Variants in DENND5B observed in about 807,000 individuals in gnomAD.
DENND5B encodes the protein DENN domain containing 5B, also known as DENN domain-containing protein 5B.
DENND5B carries 34 observed loss-of-function variants against 140.6 expected under a neutral mutation model. The ratio of observed to expected loss-of-function variants is 0.24; its 90% CI spans 0.18 to 0.32. DENND5B has a LOEUF of 0.32. DENND5B is among the 10% of genes least tolerant of loss of function. The pLI, the probability that DENND5B is intolerant of heterozygous loss-of-function variation, is 1.00. For missense variants in DENND5B, 1,142 were observed against 1,560.2 expected, an observed-to-expected ratio of 0.73 and a Z score of 4.52; for synonymous variants, 551 against 562.1, an observed-to-expected ratio of 0.98 and a Z score of 0.28.
Position 31,485,046 on chromosome 12 carries a change from T to A in DENND5B, c.238-4791A>T, listed in dbSNP as rs1371133155. Among the ~76,000 whole-genome samples the A allele has an allele frequency of 3.9e-5, 6 of 152,324 alleles. No homozygotes were observed. The East Asian group carries it at 1.2e-3, about 29-fold the overall frequency. On this transcript the variant is annotated intron_variant, in intron 2 of 20. Coordinates refer to ENST00000389082, the MANE Select transcript of DENND5B (RefSeq NM_144973.4). Reference sequence around the variant, plus strand: ...TCACGGTCACTGTTTGGTGGCCTGCTGCTGGTTTGATCCACTACAGCTTCC... The same window carrying A: ...TCACGGTCACTGTTTGGTGGCCTGCAGCTGGTTTGATCCACTACAGCTTCC...
At chr12:31,456,419 C>T (rs1944783684) in intron 4 of DENND5B, among the ~76,000 whole-genome samples, 1 of 152,028 alleles carries the variant, frequency 6.6e-6, no homozygotes, top group Admixed American at 6.6e-5. Flanking sequence ...CTTCCTATAC[C>T]CTTACCCTAA....
chr12:31,500,351 A>C (rs895733841), intron 1 of DENND5B: 12 of 453,474 alleles, frequency 2.6e-5, no homozygotes, highest in Non-Finnish European at 5.3e-5. Context: ...TCAACCTAAA[A>C]AGTATGACAG....
intron 1 of DENND5B, among the ~76,000 whole-genome samples, chr12:31,521,286 T>C (rs761585271): frequency 1.3e-5 from 2 of 150,664 alleles, no homozygotes; most frequent in Non-Finnish European, 2.9e-5. Flanking sequence ...TGTGCAGATA[T>C]CAGACATTCA....
chr12:31,416,262 G>T (rs1049047945), intron 11 of DENND5B, among the ~76,000 whole-genome samples: 5 of 151,370 alleles, frequency 3.3e-5, no homozygotes, highest in Non-Finnish European at 5.9e-5. Context: ...ACTTTTTTTT[G>T]TATTTTTTTT....
At chr12:31,575,950 A>T (rs1485437781) in intron 1 of DENND5B, among the ~76,000 whole-genome samples, 4 of 152,042 alleles carry the variant, frequency 2.6e-5, no homozygotes, top group Non-Finnish European at 5.9e-5. Context: ...TGGGAGACAG[A>T]GCAAGACTGT....
At chr12:31,432,857 A>G (rs1943571032) in intron 8 of DENND5B, 3 of 267,842 alleles carry the variant, frequency 1.1e-5, no homozygotes, top group Admixed American at 1.0e-4. Flanking sequence ...CATGCAGACA[A>G]TTTTTCTCCT....
At position 31,392,094 on chromosome 12, in the gene DENND5B, G is replaced by A. The variant is rs185282995; in HGVS notation, c.3466+173C>T. Among the ~76,000 whole-genome samples, 12 of 149,386 alleles carry A rather than the reference G, an allele frequency of 8.0e-5. No individual in the cohort carries two copies. In the East Asian group the frequency reaches 9.8e-4, roughly 12 times the overall value. On this transcript the variant is annotated intron_variant, in intron 19 of 20. Transcript: ENST00000389082. ...GCGGAGGTTACAGTGAGCCAAGACC[G>A]CACCACTGCACTCCAGCTTGGGCAA...
chr12:31,564,212 TA>T (rs1949559161), intron 1 of DENND5B, among the ~76,000 whole-genome samples: 3 of 152,156 alleles, frequency 2.0e-5, no homozygotes, highest in Admixed American at 2.0e-4. Flanking sequence ...TAAAGCATAA[TA>T]AAATGTAGTG....
chr12:31,551,476 T>C lies in DENND5B; in HGVS notation c.127+39230A>G, dbSNP rs1201707398. On this transcript the variant is annotated intron_variant, in intron 1 of 20. Coordinates refer to ENST00000389082, the MANE Select transcript of DENND5B (RefSeq NM_144973.4). ...CTTTGGTTACTGTAGCCTTGTAGTA[T>C]AGTTTGAAGTCAGGTAGCGTGATGC... Among the ~76,000 whole-genome samples, 5 of 152,210 alleles carry C rather than the reference T, an allele frequency of 3.3e-5. No individual in the cohort carries two copies. In the East Asian group the frequency reaches 7.7e-4, roughly 23 times the overall value.
intron 15 of DENND5B, among the ~76,000 whole-genome samples, chr12:31,402,050 G>C (rs1290522686): frequency 8.0e-6 from 1 of 125,470 alleles, no homozygotes. Context: ...CAGCCTGGGC[G>C]AAAGAGCAAG....
chr12:31,420,051 T>C, intron 11 of DENND5B: 6 of 983,054 alleles, frequency 6.1e-6, no homozygotes, highest in Non-Finnish European at 7.2e-6. Flanking sequence ...ACCTACCCCC[T>C]GCCAAAATCC....
At position 31,424,679 on chromosome 12, in the gene DENND5B, G is replaced by A. The variant is rs745598388; in HGVS notation, c.2247C>T (p.Arg749=). 1.2e-6 allele frequency: 2 copies of A among 1,613,820 alleles called. No homozygotes were observed. The highest frequency in any genetic ancestry group is 8.5e-7 in the Non-Finnish European group (1 of 1,179,860). Residue 749 remains arginine (R), a synonymous_variant, in exon 10 of 21, where the codon CGC becomes CGT. Coordinates refer to ENST00000389082, the MANE Select transcript of DENND5B (RefSeq NM_144973.4). ...CATGTCCCATCTTCTCCACCAACAT[G>A]CGCTTTGTCTAAGAATATCACGTGT... The part of the protein sequence containing the change: ...LLKECRMKTK[R]MLVEKMGHEA...
intron 1 of DENND5B, among the ~76,000 whole-genome samples, chr12:31,514,765 G>C (rs1034436296): frequency 6.6e-6 from 1 of 151,478 alleles, no homozygotes; most frequent in East Asian, 2.0e-4. Flanking sequence ...AGAGGTTGCA[G>C]TGAGCTGAGA....
At chr12:31,423,469 T>A in intron 11 of DENND5B, 128 bp downstream of exon 11, 1 of 924,304 alleles carries the variant, frequency 1.1e-6, no homozygotes, top group Non-Finnish European at 1.7e-6. Flanking sequence ...TTGCTCCTTC[T>A]ACTTTATCCC....
At chr12:31,498,411 A>G (rs1458633849) in intron 1 of DENND5B, among the ~76,000 whole-genome samples, 1 of 152,182 alleles carries the variant, frequency 6.6e-6, no homozygotes, top group Non-Finnish European at 1.5e-5. Context: ...ACTAAGGAAC[A>G]TTGCACCTTC....
intron 3 of DENND5B, among the ~76,000 whole-genome samples, chr12:31,468,781 C>T (rs1312671677): frequency 6.6e-6 from 1 of 151,852 alleles, no homozygotes; most frequent in African/African-American, 2.4e-5. Context: ...TACTGCACTC[C>T]AGGATGAGCG....
chr12:31,488,717 GT>G (rs1272262267), intron 2 of DENND5B, among the ~76,000 whole-genome samples: 1 of 152,178 alleles, frequency 6.6e-6, no homozygotes, highest in Non-Finnish European at 1.5e-5. Flanking sequence ...CATCAGAATT[GT>G]TAAACTGTCA....
chr12:31,471,046 C>T (rs1945533996), intron 3 of DENND5B, among the ~76,000 whole-genome samples: 1 of 152,040 alleles, frequency 6.6e-6, no homozygotes, highest in Admixed American at 6.6e-5. Context: ...ATATAAAATC[C>T]CTTGGTTATT....
intron 3 of DENND5B, among the ~76,000 whole-genome samples, chr12:31,472,348 G>A (rs1011310010): frequency 6.6e-5 from 10 of 152,302 alleles, no homozygotes; most frequent in African/African-American, 2.2e-4. Context: ...CTGCAGTACA[G>A]TGGCACGACC....
Sources: allele counts gnomAD v4.1 joint callset (sites outside exome capture counted in the v4.1 genomes callset), GRCh38; gene constraint gnomAD v4.1.1; transcripts MANE v1.5; gene names NCBI Gene and HGNC (gene_info 2026-07-23, HGNC 2026-07-21).